Variants in OPCML observed in about 807,000 individuals in gnomAD.
OPCML encodes the protein opioid-binding protein/cell adhesion molecule.
A neutral mutation model predicts 37.8 loss-of-function variants in OPCML; 13 were observed. That is an observed-to-expected ratio of 0.34 (90% confidence interval 0.22 to 0.55). The LOEUF (loss-of-function observed/expected upper bound fraction) is 0.55, where lower values mean the gene tolerates loss of function less well. Among genes scored for constraint, OPCML ranks in the 20% least tolerant of loss-of-function variants. The probability of loss-of-function intolerance (pLI) is 0.91; values close to 1 mark genes in which losing one functional copy is unlikely to be tolerated. For synonymous variants in OPCML, 176 were observed against 168.8 expected, an observed-to-expected ratio of 1.04 and a Z score of -0.33; for missense variants, 341 against 435.6, an observed-to-expected ratio of 0.78 and a Z score of 1.93.
At chr11:133,494,524 T>C (rs540371875) in intron 1 of OPCML, among the ~76,000 whole-genome samples, 3,532 of 146,590 alleles carry the variant, frequency 0.024, 134 homozygotes, top group African/African-American at 0.087. Flanking sequence ...ATATACACCA[T>C]GGAATACTAT....
intron 4 of OPCML, among the ~76,000 whole-genome samples, chr11:132,452,693 A>G (rs2096071729): frequency 6.6e-6 from 1 of 151,862 alleles, no homozygotes; most frequent in African/African-American, 2.4e-5. Flanking sequence ...TTCACTCAAC[A>G]AACATTTTTG....
chr11:132,575,490 C>A (rs1345225338), intron 3 of OPCML, among the ~76,000 whole-genome samples: 2 of 152,034 alleles, frequency 1.3e-5, no homozygotes, highest in South Asian at 2.1e-4. Flanking sequence ...AAGCTGATAA[C>A]AACTTAAGTT....
chr11:133,124,511 G>T (rs185472185), intron 1 of OPCML, among the ~76,000 whole-genome samples: 1 of 152,084 alleles, frequency 6.6e-6, no homozygotes, highest in Non-Finnish European at 1.5e-5. Context: ...ACTTCACAAG[G>T]GTCCCTCAAC....
chr11:132,778,728 G>A (rs951815278), intron 2 of OPCML, among the ~76,000 whole-genome samples: 5 of 152,150 alleles, frequency 3.3e-5, no homozygotes, highest in Non-Finnish European at 5.9e-5. Flanking sequence ...CCAGTTCCGC[G>A]AAGTCATTTC....
intron 2 of OPCML, among the ~76,000 whole-genome samples, chr11:132,835,191 C>T (rs184414072): frequency 6.6e-6 from 1 of 152,280 alleles, no homozygotes; most frequent in Admixed American, 6.5e-5. Flanking sequence ...GAAGAGCCTC[C>T]TTGGCATGAG....
intron 3 of OPCML, among the ~76,000 whole-genome samples, chr11:132,632,608 T>A (rs1260840289): frequency 6.6e-6 from 1 of 152,088 alleles, no homozygotes; most frequent in Non-Finnish European, 1.5e-5. Context: ...AGTCGCTTCC[T>A]GAGTGGTTCC....
rs568714429 is a variant in OPCML at position 133,524,201 on chromosome 11, C to T, written c.61+8063G>A. ...TCAGAGATGAATAAGTCAGGATGTCCGCCATTCAGAATCCCACAGCCATAC... is the reference window on the plus strand; with the variant it reads ...TCAGAGATGAATAAGTCAGGATGTCTGCCATTCAGAATCCCACAGCCATAC... On this transcript the variant is annotated intron_variant, in intron 1 of 7. Transcript: ENST00000524381. Among the ~76,000 whole-genome samples, 249 of 152,242 alleles carry T rather than the reference C, an allele frequency of 1.6e-3. 1 individual carries two copies. The Middle Eastern group carries it at 0.017, about 10-fold the overall frequency.
At chr11:133,234,766 C>A (rs1238772991) in intron 1 of OPCML, among the ~76,000 whole-genome samples, 2 of 152,204 alleles carry the variant, frequency 1.3e-5, no homozygotes, top group Non-Finnish European at 2.9e-5. Context: ...CCATAATCAC[C>A]TGCGGATCTC....
chr11:132,587,148 G>A (rs1304186841), intron 3 of OPCML, among the ~76,000 whole-genome samples: 1 of 152,192 alleles, frequency 6.6e-6, no homozygotes, highest in Non-Finnish European at 1.5e-5. Context: ...GAGCTAACTA[G>A]CATGGGGAAA....
chr11:133,158,203 T>A (rs1950089901), intron 1 of OPCML, among the ~76,000 whole-genome samples: 1 of 152,132 alleles, frequency 6.6e-6, no homozygotes, highest in Admixed American at 6.6e-5. Flanking sequence ...TTCTAGAAGG[T>A]GTGGCAAGTC....
At chr11:132,884,221 G>A (rs1233586186) in intron 2 of OPCML, among the ~76,000 whole-genome samples, 1 of 152,214 alleles carries the variant, frequency 6.6e-6, no homozygotes, top group African/African-American at 2.4e-5. Flanking sequence ...CCTTTCTGGG[G>A]TGGGGAGAAG....
chr11:133,055,059 C>T (rs1948203843), intron 1 of OPCML, among the ~76,000 whole-genome samples: 1 of 151,146 alleles, frequency 6.6e-6, no homozygotes, highest in Non-Finnish European at 1.5e-5. Flanking sequence ...ATGCTGCCTC[C>T]ATGATACTTC....
At chr11:132,829,194 C>T (rs912362510) in intron 2 of OPCML, among the ~76,000 whole-genome samples, 3 of 152,152 alleles carry the variant, frequency 2.0e-5, no homozygotes, top group African/African-American at 7.2e-5. Flanking sequence ...TCTGGTATCT[C>T]TGGAGGGACC....
intron 2 of OPCML, among the ~76,000 whole-genome samples, chr11:132,707,020 G>A (rs1371553152): frequency 6.6e-6 from 1 of 152,200 alleles, no homozygotes; most frequent in African/African-American, 2.4e-5. Context: ...ATGGAAGAAA[G>A]TTGGAGTGAT....
chr11:133,284,933 G>T (rs1360148563), intron 1 of OPCML, among the ~76,000 whole-genome samples: 1 of 152,066 alleles, frequency 6.6e-6, no homozygotes, highest in Non-Finnish European at 1.5e-5. Context: ...CTTGCTCTAG[G>T]AGAACTTGGA....
chr11:133,030,607 C>T (rs1947648010), intron 1 of OPCML, among the ~76,000 whole-genome samples: 1 of 152,316 alleles, frequency 6.6e-6, no homozygotes, highest in South Asian at 2.1e-4. Flanking sequence ...TCACAACAGA[C>T]ACAAAATAAG....
chr11:132,510,664 A>G (rs769004549), intron 4 of OPCML, among the ~76,000 whole-genome samples: 6 of 152,080 alleles, frequency 3.9e-5, no homozygotes, highest in Admixed American at 2.0e-4. Flanking sequence ...TGTAAGAAAT[A>G]CCTTTTGCCT....
chr11:133,487,622 C>A (rs191468603), intron 1 of OPCML, among the ~76,000 whole-genome samples: 1 of 152,120 alleles, frequency 6.6e-6, no homozygotes, highest in Non-Finnish European at 1.5e-5. Context: ...CACCACTCTG[C>A]ACAATGTTTA....
chr11:133,259,120 C>G (rs1238917600), intron 1 of OPCML, among the ~76,000 whole-genome samples: 1 of 152,290 alleles, frequency 6.6e-6, no homozygotes, highest in African/African-American at 2.4e-5. Context: ...CTACCTCCCC[C>G]TTCATTTTAT....
Sources: allele counts gnomAD v4.1 joint callset (sites outside exome capture counted in the v4.1 genomes callset), GRCh38; gene constraint gnomAD v4.1.1; transcripts MANE v1.5; gene names NCBI Gene and HGNC (gene_info 2026-07-23, HGNC 2026-07-21).